CDKAL1: variants seen among roughly 807,000 people sequenced by gnomAD.
CDKAL1 encodes the protein threonylcarbamoyladenosine tRNA methylthiotransferase.
A neutral mutation model predicts 68.2 loss-of-function variants in CDKAL1; 32 were observed. The ratio of observed to expected loss-of-function variants is 0.47; its 90% CI spans 0.35 to 0.63. The LOEUF is 0.63. Among genes scored for constraint, CDKAL1 ranks in the 30% least tolerant of loss-of-function variants. CDKAL1 has a pLI of 0.00. For missense variants in CDKAL1, 606 were observed against 696.7 expected (o/e 0.87, Z 1.47); for synonymous variants, 234 against 244.3 (o/e 0.96, Z 0.39).
intron 13 of CDKAL1, among the ~76,000 whole-genome samples, chr6:21,127,052 C>T (rs1183999496): frequency 6.6e-6 from 1 of 152,166 alleles, no homozygotes; most frequent in African/African-American, 2.4e-5. Context: ...GAATAGCCAA[C>T]CAAAGTTTCA....
At chr6:21,077,876 C>G (rs944862387) in intron 12 of CDKAL1, among the ~76,000 whole-genome samples, 3 of 152,120 alleles carry the variant, frequency 2.0e-5, no homozygotes, top group African/African-American at 7.2e-5. Flanking sequence ...TCATGGATTA[C>G]CTGAGTGGGG....
At position 21,053,885 on chromosome 6, in the gene CDKAL1, G is replaced by A. The variant is rs572905400; in HGVS notation, c.1056-11163G>A. 2.0e-5 allele frequency among the ~76,000 whole-genome samples: 3 copies of A among 152,154 alleles called. No individual in the cohort carries two copies. The South Asian group carries it at 6.2e-4, about 32-fold the overall frequency. On this transcript the variant is annotated intron_variant, in intron 11 of 15. Transcript: ENST00000274695. ...AGTCTTTTTATTGGATATATGATTTGCAAATATTTTATTCTACTCTATGAC... is the reference window on the plus strand; with the variant it reads ...AGTCTTTTTATTGGATATATGATTTACAAATATTTTATTCTACTCTATGAC...
chr6:20,885,737 A>G (rs531672287), intron 9 of CDKAL1, among the ~76,000 whole-genome samples: 6 of 152,300 alleles, frequency 3.9e-5, no homozygotes, highest in African/African-American at 1.4e-4. Context: ...CTGGGAGACG[A>G]TATTTACAAA....
rs145381147 is a variant in CDKAL1, at chr6:21,117,905, C to T, written c.1299+9442C>T. On this transcript the variant is annotated intron_variant, in intron 13 of 15. Coordinates refer to ENST00000274695, the MANE Select transcript of CDKAL1 (RefSeq NM_017774.3). ...CTGGTCTCCCCATCAAAGGCTAACACGTGTGTCAGCTACAGTTTTTCAAAC... is the reference window on the plus strand; with the variant it reads ...CTGGTCTCCCCATCAAAGGCTAACATGTGTGTCAGCTACAGTTTTTCAAAC... Among the ~76,000 whole-genome samples, 236 of 152,278 alleles carry T rather than the reference C, an allele frequency of 1.5e-3. 1 individual carries two copies. The highest frequency in any genetic ancestry group is 5.5e-3 in the African/African-American group (227 of 41,570).
chr6:20,991,167 G>A (rs965718473), intron 10 of CDKAL1, among the ~76,000 whole-genome samples: 1 of 152,212 alleles, frequency 6.6e-6, no homozygotes, highest in Admixed American at 6.5e-5. Flanking sequence ...GCATTATGCT[G>A]AGTGAAATAA....
intron 10 of CDKAL1, among the ~76,000 whole-genome samples, chr6:20,991,149 G>A (rs898390484): frequency 1.3e-5 from 2 of 152,164 alleles, no homozygotes; most frequent in African/African-American, 4.8e-5. Context: ...GTTACAGCAG[G>A]GATGAAAGCA....
chr6:20,868,539 C>T (rs1263930358), intron 9 of CDKAL1, among the ~76,000 whole-genome samples: 1 of 152,162 alleles, frequency 6.6e-6, no homozygotes, highest in Admixed American at 6.5e-5. Flanking sequence ...GCTGCAGTGC[C>T]TTATGGAAGC....
chr6:20,865,618 TC>T (rs1759869200), intron 9 of CDKAL1, among the ~76,000 whole-genome samples: 1 of 81,952 alleles, frequency 1.2e-5, no homozygotes, highest in African/African-American at 3.9e-5. Context: ...TAAAACTAAC[TC>T]TGCTGAAATT....
intron 13 of CDKAL1, among the ~76,000 whole-genome samples, chr6:21,188,239 ACTT>A (rs1331546615): frequency 2.0e-5 from 3 of 152,158 alleles, no homozygotes; most frequent in Non-Finnish European, 4.4e-5. Flanking sequence ...GTAGTTAAAA[ACTT>A]CTCATTTATG....
chr6:20,794,006 C>CAT (rs1776011240), intron 8 of CDKAL1, among the ~76,000 whole-genome samples: 1 of 151,526 alleles, frequency 6.6e-6, no homozygotes, highest in Non-Finnish European at 1.5e-5. Flanking sequence ...TTTGCTTATA[C>CAT]ATATATATCT....
At chr6:20,993,518 G>T (rs1032445185) in intron 10 of CDKAL1, 1 of 152,100 alleles carries the variant, frequency 6.6e-6, no homozygotes, top group South Asian at 2.1e-4. Flanking sequence ...TTGCACAGGG[G>T]CCATGCTAGT....
rs191457128 is a variant in CDKAL1 at position 20,869,948 on chromosome 6, T to C, written c.742+23770T>C. Among the ~76,000 whole-genome samples, 258 of 152,268 alleles carry C rather than the reference T, an allele frequency of 1.7e-3. 1 individual carries two copies. The highest frequency in any genetic ancestry group is 3.1e-3 in the Non-Finnish European group (211 of 68,016). On this transcript the variant is annotated intron_variant, in intron 9 of 15. Coordinates refer to ENST00000274695, the MANE Select transcript of CDKAL1 (RefSeq NM_017774.3). ...GATTGTAGGTAACTGACATTAGTGA[T>C]TTCACGATTTCTTTAATAAGTACAA...
Position 21,231,112 on chromosome 6 carries a change from C to A in CDKAL1, c.*73C>A. The A allele has an allele frequency of 8.3e-7, 1 of 1,207,724 alleles. No individual in the cohort carries two copies. Among genetic ancestry groups the A allele is most frequent in the Non-Finnish European group, 1.2e-6 (1 of 857,842 alleles). The allele number at this position is 1,207,724 out of a possible 1,614,324, so 74.8% of individuals were successfully genotyped here. A position where few individuals can be genotyped will look rare whatever the true frequency, so the allele number is the denominator to read the frequency against. Reference sequence around the variant, plus strand: ...AAATCTTCAATGAACAGGAAAGCGACATCTCCATTCTCCAAGGGCAATAAT... The same window carrying A: ...AAATCTTCAATGAACAGGAAAGCGAAATCTCCATTCTCCAAGGGCAATAAT... On this transcript the variant is annotated 3_prime_UTR_variant, in exon 16 of 16. Transcript: ENST00000274695.
intron 9 of CDKAL1, among the ~76,000 whole-genome samples, chr6:20,881,895 C>A (rs1292031388): frequency 1.3e-5 from 2 of 152,144 alleles, no homozygotes; most frequent in African/African-American, 4.8e-5. Flanking sequence ...AACAGTTACA[C>A]CACGTACCAA....
chr6:20,564,440 G>A, intron 4 of CDKAL1, among the ~76,000 whole-genome samples: 1 of 151,700 alleles, frequency 6.6e-6, no homozygotes, highest in East Asian at 2.1e-4. Flanking sequence ...AAAGTGTGTT[G>A]AATGTTTTAT....
intron 5 of CDKAL1, among the ~76,000 whole-genome samples, chr6:20,721,723 C>G (rs1007079457): frequency 5.6e-4 from 60 of 107,922 alleles, no homozygotes; most frequent in Non-Finnish European, 9.0e-4. Context: ...TGACCAACTT[C>G]TGTTTTTTTT....
chr6:20,692,841 T>C (rs1348172694), intron 5 of CDKAL1, among the ~76,000 whole-genome samples: 1 of 151,878 alleles, frequency 6.6e-6, no homozygotes, highest in African/African-American at 2.4e-5. Flanking sequence ...TAAAAGACAG[T>C]TGTGGCCGGG....
At chr6:20,942,221 A>T (rs571357133) in intron 9 of CDKAL1, among the ~76,000 whole-genome samples, 1 of 152,206 alleles carries the variant, frequency 6.6e-6, no homozygotes, top group East Asian at 1.9e-4. Flanking sequence ...TTCAAATAAT[A>T]TTTTACTACA....
At chr6:21,197,286 T>G (rs1778513772) in intron 13 of CDKAL1, among the ~76,000 whole-genome samples, 1 of 152,226 alleles carries the variant, frequency 6.6e-6, no homozygotes, top group African/African-American at 2.4e-5. Context: ...TTTGGCTGAT[T>G]TACTTCTTTG....
Sources: gnomAD v4.1 joint callset for allele counts (sites outside exome capture counted in the v4.1 genomes callset) on GRCh38, gnomAD v4.1.1 for gene constraint, MANE v1.5 for transcripts, NCBI Gene and HGNC (gene_info 2026-07-23, HGNC 2026-07-21) for gene names.